The following CEP164 variants were observed in gnomAD, a reference collection of about 807,000 sequenced individuals.
The protein encoded by CEP164 is centrosomal protein 164.
Under a neutral mutation model 182.7 loss-of-function variants are expected in CEP164, and 162 were observed. The ratio of observed to expected loss-of-function variants is 0.89; its 90% CI spans 0.78 to 1.01. The LOEUF (loss-of-function observed/expected upper bound fraction) is 1.01, where lower values mean the gene tolerates loss of function less well. Ranked by LOEUF, CEP164 falls within the 50% of genes least tolerant of loss-of-function variation. CEP164 has a pLI of 0.00. For missense variants in CEP164, 1,735 were observed against 1,790.4 expected, an observed-to-expected ratio of 0.97 and a Z score of 0.56; for synonymous variants, 661 against 690.0, an observed-to-expected ratio of 0.96 and a Z score of 0.66.
chr11:117,356,718 A>ACC, intron 5 of CEP164: 1 of 1,119,866 alleles, frequency 8.9e-7, no homozygotes, highest in Non-Finnish European at 1.1e-6. Context: ...CATTCCTGTT[A>ACC]CCCACCCTAC....
rs144910893 is a variant in CEP164, at chr11:117,397,177, G to C, written c.3365G>C (p.Arg1122Pro). ...SAKEFLVQQT[R>P]SMRRRQTALK... Reference sequence around the variant, plus strand: ...AAGGAGTTCCTTGTGCAGCAGACACGCTCCATGCGGAGGCGGCAGACAGCT... The same window carrying C: ...AAGGAGTTCCTTGTGCAGCAGACACCCTCCATGCGGAGGCGGCAGACAGCT... Residue 1122 changes from arginine to proline, a missense_variant, in exon 27 of 33, where the codon CGC becomes CCC. By Grantham distance (103) the Arg-to-Pro change is moderately radical. Transcript: ENST00000278935. 7 of 1,614,020 alleles carry C rather than the reference G, an allele frequency of 4.3e-6. No individual in the cohort carries two copies. In the African/African-American group the frequency reaches 8.0e-5, roughly 18 times the overall value.
intron 1 of CEP164, among the ~76,000 whole-genome samples, chr11:117,333,834 C>G (rs1330836756): frequency 1.3e-5 from 2 of 152,180 alleles, no homozygotes; most frequent in Non-Finnish European, 2.9e-5. Context: ...CTGTGCCCAG[C>G]CCTAGTTCTG....
intron 14 of CEP164, chr11:117,385,252 CTG>C (rs928302045): frequency 6.6e-6 from 1 of 152,236 alleles, no homozygotes; most frequent in Non-Finnish European, 1.5e-5. Flanking sequence ...CTGTAGGAAA[CTG>C]GGTCCCACTG....
intron 17 of CEP164, among the ~76,000 whole-genome samples, chr11:117,391,522 T>C (rs1333346334): frequency 3.9e-5 from 6 of 151,992 alleles, no homozygotes; most frequent in Non-Finnish European, 8.8e-5. Flanking sequence ...CCTCAGAGGC[T>C]TGAGGGAGAG....
At position 117,401,557 on chromosome 11, in the gene CEP164, A is replaced by G. The variant is rs546338420; in HGVS notation, c.3501+4244A>G. Among the ~76,000 whole-genome samples the G allele has an allele frequency of 2.7e-5, 4 of 150,540 alleles. No homozygotes were observed. In the South Asian group the frequency reaches 6.3e-4, roughly 24 times the overall value. On this transcript the variant is annotated intron_variant, in intron 27 of 32. Transcript: ENST00000278935. ...AGTAGTTTCAGAAGGAATGGTACCA[A>G]CTCCTCTTTGTACCTCTGGTAGAAT...
chr11:117,396,261 C>A (rs2045449094), intron 25 of CEP164, 81 bp downstream of exon 25: 2 of 1,478,304 alleles, frequency 1.4e-6, no homozygotes, highest in East Asian at 2.3e-5. Context: ...CAGGGGAGTA[C>A]TTCCAGAGGG....
At chr11:117,338,423 A>G (rs2037545575) in intron 2 of CEP164, 143 bp from the exon 3 acceptor site, 1 of 628,930 alleles carries the variant, frequency 1.6e-6, no homozygotes, top group African/African-American at 1.8e-5. Context: ...ACCCTCCACT[A>G]TACCTGGCGC....
At chr11:117,364,565 C>CT (rs11356062) in intron 8 of CEP164, among the ~76,000 whole-genome samples, 357 of 135,584 alleles carry the variant, frequency 2.6e-3, no homozygotes, top group African/African-American at 6.5e-3. Flanking sequence ...TTGGACAGGG[C>CT]TTTTTTTTTT....
intron 11 of CEP164, among the ~76,000 whole-genome samples, 156 bp downstream of exon 11, chr11:117,375,947 G>A (rs1349995619): frequency 6.6e-6 from 1 of 152,106 alleles, no homozygotes; most frequent in Non-Finnish European, 1.5e-5. Flanking sequence ...GCCTTTCACG[G>A]GGCTTCTGAC....
At chr11:117,382,368 C>A (rs2043420969) in intron 13 of CEP164, among the ~76,000 whole-genome samples, 1 of 152,194 alleles carries the variant, frequency 6.6e-6, no homozygotes. Context: ...CCAGATAACT[C>A]TGGGTCCAGC....
chr11:117,400,501 A>T (rs989821008), intron 27 of CEP164, among the ~76,000 whole-genome samples: 3 of 152,090 alleles, frequency 2.0e-5, no homozygotes, highest in African/African-American at 7.2e-5. Context: ...AAGTTGAAGT[A>T]GTTTTTTCTA....
At chr11:117,375,678 A>T (rs776178928) in intron 10 of CEP164, 30 bp from the exon 11 acceptor site, 1 of 1,605,106 alleles carries the variant, frequency 6.2e-7, no homozygotes, top group African/African-American at 1.3e-5. Flanking sequence ...ACAGAGGCAG[A>T]GTTGACCTTT....
chr11:117,390,456 T>C (rs1592348104), intron 15 of CEP164, among the ~76,000 whole-genome samples: 1 of 151,888 alleles, frequency 6.6e-6, no homozygotes, highest in East Asian at 2.0e-4. Flanking sequence ...AAGACCAGCC[T>C]GGGCAACATA....
intron 27 of CEP164, 120 bp from the exon 28 acceptor site, chr11:117,407,805 C>G (rs2046883406): frequency 3.1e-6 from 2 of 636,928 alleles, no homozygotes; most frequent in Middle Eastern, 2.6e-4. Context: ...GTTCTCTGTT[C>G]CAGATGAGAA....
intron 15 of CEP164, among the ~76,000 whole-genome samples, chr11:117,388,932 A>T (rs919151464): frequency 1.4e-4 from 21 of 145,498 alleles, no homozygotes; most frequent in African/African-American, 5.3e-4. Context: ...TGCCTGGCTA[A>T]TTTTTTTTTT....
intron 5 of CEP164, chr11:117,356,437 G>A (rs191664500): frequency 8.0e-7 from 1 of 1,253,096 alleles, no homozygotes; most frequent in African/African-American, 1.5e-5. Context: ...CGAGGTTTCT[G>A]TCATGGGAGC....
chr11:117,382,514 C>T (rs78406883), intron 13 of CEP164, among the ~76,000 whole-genome samples: 1,778 of 152,264 alleles, frequency 0.012, 21 homozygotes, highest in Non-Finnish European at 0.018. Context: ...TGAGCAGCAT[C>T]GATGTGCAAT....
Position 117,394,950 on chromosome 11 carries a change from C to A in CEP164, c.2791C>A (p.Leu931Ile). Reference sequence around the variant, plus strand: ...GAAGCTCCAGGATTTAGAGTTGGACCTTGAAACCAGAGCTAAAGATGTCAA... The same window carrying A: ...GAAGCTCCAGGATTTAGAGTTGGACATTGAAACCAGAGCTAAAGATGTCAA... ...ERKLQDLELD[L>I]ETRAKDVKAR... is the part of the protein sequence containing the mutation. The change falls in exon 22 of 33, where the codon CTT becomes ATT. Residue 931 changes from leucine to isoleucine, a missense_variant. Coordinates refer to ENST00000278935, the MANE Select transcript of CEP164 (RefSeq NM_014956.5). This position sits in a 1 kb window ranked among gnomAD's most constrained non-coding sequence, Gnocchi z 4.0. 6.2e-7 allele frequency: 1 copy of A among 1,614,166 alleles called. No individual in the cohort carries two copies. The highest frequency in any genetic ancestry group is 8.5e-7 in the Non-Finnish European group (1 of 1,180,034).
chr11:117,380,529 G>T, intron 11 of CEP164, 85 bp from the exon 12 acceptor site: 1 of 1,113,250 alleles, frequency 9.0e-7, no homozygotes, highest in Non-Finnish European at 1.3e-6. Context: ...CAGTGCTTTC[G>T]TCTAAGCTTG....
Sources: allele counts gnomAD v4.1 joint callset (sites outside exome capture counted in the v4.1 genomes callset), GRCh38; gene constraint gnomAD v4.1.1; non-coding constraint Gnocchi (gnomAD v3.1); transcripts MANE v1.5; gene names NCBI Gene and HGNC (gene_info 2026-07-23, HGNC 2026-07-21).